Variants in ATP9A observed in about 807,000 individuals in gnomAD.
The protein encoded by ATP9A is ATPase phospholipid transporting 9A.
Under a neutral mutation model 144.1 loss-of-function variants are expected in ATP9A, and 52 were observed. That is an observed-to-expected ratio of 0.36 (90% CI 0.29 to 0.45). The LOEUF (loss-of-function observed/expected upper bound fraction) is 0.45, where lower values mean the gene tolerates loss of function less well. Among genes scored for constraint, ATP9A ranks in the 20% least tolerant of loss-of-function variants. The pLI is 1.00. For missense variants in ATP9A, 947 were observed against 1,392.7 expected (o/e 0.68, Z 5.09); for synonymous variants, 582 against 557.4 (o/e 1.04, Z -0.62).
chr20:51,688,743 AAC>A (rs575288767), intron 9 of ATP9A, among the ~76,000 whole-genome samples: 238 of 152,158 alleles, frequency 1.6e-3, no homozygotes, highest in Middle Eastern at 6.8e-3. Flanking sequence ...ATACCCTACA[AAC>A]ACAGCCTCCA....
At chr20:51,760,639 A>G (rs183360968) in intron 1 of ATP9A, among the ~76,000 whole-genome samples, 1 of 150,896 alleles carries the variant, frequency 6.6e-6, no homozygotes, top group East Asian at 2.0e-4. Flanking sequence ...AGGCAGGAGA[A>G]TCACTTGAAC....
chr20:51,725,954 G>A (rs752830749), intron 2 of ATP9A, 22 bp from the exon 3 acceptor site: 1 of 1,378,708 alleles, frequency 7.3e-7, no homozygotes, highest in African/African-American at 1.4e-5. Flanking sequence ...GGAGACAACA[G>A]AGAAAGACAT....
intron 1 of ATP9A, among the ~76,000 whole-genome samples, chr20:51,753,241 A>G (rs2122906813): frequency 6.6e-6 from 1 of 152,328 alleles, no homozygotes; most frequent in East Asian, 1.9e-4. Context: ...ATATGCTGTC[A>G]TTCAAAATGT....
chr20:51,758,559 A>T (rs571052156), intron 1 of ATP9A, among the ~76,000 whole-genome samples: 1 of 152,338 alleles, frequency 6.6e-6, no homozygotes, highest in East Asian at 1.9e-4. Flanking sequence ...GTCAAGGTCA[A>T]AGGGTGCCCC....
chr20:51,711,483 C>A (rs1601120172), intron 4 of ATP9A, among the ~76,000 whole-genome samples: 1 of 152,252 alleles, frequency 6.6e-6, no homozygotes. Flanking sequence ...GGCATCTAAC[C>A]ATCTTATCTC....
chr20:51,603,134 T>C (rs2077149694), intron 27 of ATP9A, among the ~76,000 whole-genome samples: 1 of 152,148 alleles, frequency 6.6e-6, no homozygotes, highest in Non-Finnish European at 1.5e-5. Context: ...CATGAGCTTC[T>C]TAGCAGAGAA....
rs116400327 is a variant in ATP9A at position 51,607,665 on chromosome 20, C to T, written c.2746-81G>A. ...TGCCATCAGCTTTCACGTTATTCTC[C>T]CGCTAACGAGATAAGGCAACCCATC... On this transcript the variant is annotated intron_variant, in intron 25 of 27. Transcript: ENST00000338821. The T allele has an allele frequency of 2.0e-4, 227 of 1,154,648 alleles. No homozygotes were observed. In the African/African-American group the frequency reaches 3.1e-3, roughly 16 times the overall value. The allele number at this position is 1,154,648 out of a possible 1,614,324, so 71.5% of individuals were successfully genotyped here.
rs747992746 is a variant in ATP9A at position 51,598,947 on chromosome 20, T to C, written c.*2264A>G. 3 of 152,228 alleles carry C rather than the reference T, an allele frequency of 2.0e-5. No homozygotes were observed. Among genetic ancestry groups the C allele is most frequent in the African/African-American group, 4.8e-5 (2 of 41,456 alleles). 9.4% of individuals were successfully genotyped at this position (152,228 alleles called of 1,614,324 possible). On this transcript the variant is annotated 3_prime_UTR_variant, in exon 28 of 28. Coordinates refer to ENST00000338821, the MANE Select transcript of ATP9A (RefSeq NM_006045.3). ...AAGGTTTGTGGAGAACACTGACGAG[T>C]ACCTTCCACTTCCAACTATGGCTTC...
chr20:51,644,913 G>C (rs2077336082), intron 14 of ATP9A, among the ~76,000 whole-genome samples: 1 of 152,150 alleles, frequency 6.6e-6, no homozygotes. Flanking sequence ...CCAAAAGCCT[G>C]CTTTTAACTT....
chr20:51,729,852 G>T lies in ATP9A; in HGVS notation c.195C>A (p.Phe65Leu), dbSNP rs370100451. 6.3e-7 allele frequency: 1 copy of T among 1,591,082 alleles called. No homozygotes were observed. The highest frequency in any genetic ancestry group is 2.3e-5 in the East Asian group (1 of 44,294). Reference sequence around the variant, plus strand: ...CACGTACCCCAGGAAGAAAGGTGAAGAAATTGTACTTCTGATTGTTGATGA... The same window carrying T: ...CACGTACCCCAGGAAGAAAGGTGAATAAATTGTACTTCTGATTGTTGATGA... ...RNVINNQKYN[F>L]FTFLPGVLFN... is the part of the protein sequence containing the mutation. The change falls in exon 2 of 28, where the codon TTC becomes TTA. Residue 65 changes from phenylalanine to leucine, a missense_variant. By Grantham distance (22) the Phe-to-Leu change is conservative (BLOSUM62 0). Around this residue, in one of 2 missense-constraint regions of ATP9A, gnomAD observed 770 missense variants for 1,047.9 expected, o/e 0.73. Coordinates refer to ENST00000338821, the MANE Select transcript of ATP9A (RefSeq NM_006045.3).
chr20:51,680,395 C>T (rs1485807851), intron 9 of ATP9A, among the ~76,000 whole-genome samples: 3 of 152,022 alleles, frequency 2.0e-5, no homozygotes, highest in Non-Finnish European at 4.4e-5. Context: ...AGCACCAGTT[C>T]TTCTCACCTT....
chr20:51,759,541 C>T (rs1464774284), intron 1 of ATP9A, among the ~76,000 whole-genome samples: 3 of 151,978 alleles, frequency 2.0e-5, no homozygotes, highest in Non-Finnish European at 1.5e-5. Flanking sequence ...GGCGTGGTGG[C>T]GGGTGCCTGT....
chr20:51,662,517 C>G (rs1464740803), intron 13 of ATP9A, among the ~76,000 whole-genome samples: 2 of 150,574 alleles, frequency 1.3e-5, no homozygotes, highest in Non-Finnish European at 2.9e-5. Context: ...TGCACTCCAG[C>G]CTGGTTAACA....
At chr20:51,615,031 T>C (rs1483053499) in intron 22 of ATP9A, among the ~76,000 whole-genome samples, 1 of 128,218 alleles carries the variant, frequency 7.8e-6, no homozygotes, top group African/African-American at 2.9e-5. Flanking sequence ...TAACACGGGG[T>C]TGAGCATGAA....
In ATP9A at chr20:51,651,280, A is replaced by AT. The variant is rs1250420264; in HGVS notation, c.1506+5657dup. On this transcript the variant is annotated intron_variant, in intron 14 of 27. Coordinates refer to ENST00000338821, the MANE Select transcript of ATP9A (RefSeq NM_006045.3). ...AATATATTATATAATATATATTTAC[A>AT]TAATATATTATATAATATATATTTA... is the stretch of plus-strand genomic sequence containing the variant. Among the ~76,000 whole-genome samples the AT allele has an allele frequency of 3.4e-3, 453 of 134,076 alleles. 83 individuals are homozygous for AT. The highest frequency in any genetic ancestry group is 6.4e-3 in the South Asian group (30 of 4,706). The allele number at this position is 134,076 out of a possible 152,430, so 88.0% of individuals were successfully genotyped here. A position where few individuals can be genotyped will look rare whatever the true frequency, so the allele number is the denominator to read the frequency against.
chr20:51,667,115 T>C (rs2077436246), intron 13 of ATP9A, among the ~76,000 whole-genome samples: 1 of 152,220 alleles, frequency 6.6e-6, no homozygotes, highest in Admixed American at 6.5e-5. Context: ...AACTGATTTA[T>C]GAGCTTCCCC....
intron 23 of ATP9A, 55 bp from the exon 24 acceptor site, chr20:51,610,220 T>A: frequency 1.4e-6 from 2 of 1,421,354 alleles, no homozygotes; most frequent in South Asian, 2.3e-5. Context: ...ATCCCTTACA[T>A]TTACAGAATA....
intron 26 of ATP9A, among the ~76,000 whole-genome samples, chr20:51,605,791 T>C (rs2077160889): frequency 6.6e-6 from 1 of 151,530 alleles, no homozygotes; most frequent in African/African-American, 2.4e-5. Flanking sequence ...CGCATGCCTG[T>C]AGTCCCAGCT....
intron 17 of ATP9A, among the ~76,000 whole-genome samples, chr20:51,625,679 G>A (rs1320963200): frequency 6.6e-6 from 1 of 152,144 alleles, no homozygotes; most frequent in Non-Finnish European, 1.5e-5. Flanking sequence ...GTTGTCTCAG[G>A]GACGGGCACA....
Sources: allele counts gnomAD v4.1 joint callset (sites outside exome capture counted in the v4.1 genomes callset), GRCh38; gene constraint gnomAD v4.1.1; regional missense constraint gnomAD v4.1.1; transcripts MANE v1.5; gene names NCBI Gene and HGNC (gene_info 2026-07-23, HGNC 2026-07-21).